Variants in RAP1GDS1 observed in about 807,000 individuals in gnomAD.
RAP1GDS1 encodes the protein Rap1 GTPase-GDP dissociation stimulator 1.
A neutral mutation model predicts 71.1 loss-of-function variants in RAP1GDS1; 35 were observed. The ratio of observed to expected loss-of-function variants is 0.49; its 90% CI spans 0.38 to 0.65. The LOEUF (loss-of-function observed/expected upper bound fraction) is 0.65, where lower values mean the gene tolerates loss of function less well. RAP1GDS1 is among the 30% of genes least tolerant of loss of function. The pLI, the probability that RAP1GDS1 is intolerant of heterozygous loss-of-function variation, is 0.00. For synonymous variants in RAP1GDS1, 229 were observed against 243.1 expected, an observed-to-expected ratio of 0.94 and a Z score of 0.54; for missense variants, 663 against 706.1, an observed-to-expected ratio of 0.94 and a Z score of 0.69.
At chr4:98,424,881 A>G (rs900237898) in intron 12 of RAP1GDS1, among the ~76,000 whole-genome samples, 4 of 152,256 alleles carry the variant, frequency 2.6e-5, no homozygotes, top group Admixed American at 2.0e-4. Flanking sequence ...CAAGAAGCTC[A>G]AAGAATACCT....
At chr4:98,341,726 A>AT (rs200441931) in intron 2 of RAP1GDS1, among the ~76,000 whole-genome samples, 19,456 of 152,002 alleles carry the variant, frequency 0.13, 1,709 homozygotes, top group African/African-American at 0.24. Flanking sequence ...AAAAAAAAAA[A>AT]ATCTTAGGTG....
intron 3 of RAP1GDS1, 163 bp downstream of exon 3, chr4:98,343,424 A>C: frequency 1.2e-6 from 1 of 862,148 alleles, no homozygotes; most frequent in Non-Finnish European, 1.8e-6. Context: ...AAATGGCTAT[A>C]GTTACAGTCA....
At chr4:98,426,395 T>C (rs1749620072) in intron 12 of RAP1GDS1, among the ~76,000 whole-genome samples, 1 of 151,484 alleles carries the variant, frequency 6.6e-6, no homozygotes. Context: ...TAAATGAAAT[T>C]GAAACAAAAA....
chr4:98,301,222 A>G (rs1728542445), intron 2 of RAP1GDS1, among the ~76,000 whole-genome samples: 3 of 151,746 alleles, frequency 2.0e-5, no homozygotes. Context: ...TTCATATTGT[A>G]TACCTCTTTT....
At chr4:98,399,679 A>G (rs765492365) in intron 6 of RAP1GDS1, among the ~76,000 whole-genome samples, 2 of 152,202 alleles carry the variant, frequency 1.3e-5, no homozygotes, top group Non-Finnish European at 2.9e-5. Context: ...GTATGATAAA[A>G]TGTTCAGTAT....
chr4:98,291,586 C>T (rs558079615), intron 1 of RAP1GDS1, among the ~76,000 whole-genome samples: 2 of 152,192 alleles, frequency 1.3e-5, no homozygotes, highest in Admixed American at 1.3e-4. Context: ...GCATATGAGT[C>T]GTCTGCTAGA....
At chr4:98,375,629 A>G (rs1741059987) in intron 4 of RAP1GDS1, among the ~76,000 whole-genome samples, 1 of 152,218 alleles carries the variant, frequency 6.6e-6, no homozygotes, top group African/African-American at 2.4e-5. Flanking sequence ...TTAAAGATGC[A>G]AGTGACAGTT....
rs763500597 is a variant in RAP1GDS1, at chr4:98,417,499, G to GT, written c.1039+2dup. 6.2e-7 allele frequency: 1 copy of GT among 1,613,420 alleles called. No individual in the cohort carries two copies. Among genetic ancestry groups the GT allele is most frequent in the Non-Finnish European group, 8.5e-7 (1 of 1,179,594 alleles). On this transcript the variant is annotated splice_donor_variant, in intron 9 of 14. Transcript: ENST00000408927. LOFTEE classifies it high-confidence loss of function. ...GCAATTGCAAATTTTGCCAGAAATG[G>GT]TAAGCATATTAGTTCCTCCTTTGTT...
chr4:98,285,823 ATAAT>A (rs201191989), intron 1 of RAP1GDS1, among the ~76,000 whole-genome samples: 9,562 of 147,478 alleles, frequency 0.065, 341 homozygotes, highest in Admixed American at 0.13. Flanking sequence ...TTTATAATAA[ATAAT>A]TATAAATAAA....
At chr4:98,282,950 T>C (rs1725381496) in intron 1 of RAP1GDS1, among the ~76,000 whole-genome samples, 1 of 152,208 alleles carries the variant, frequency 6.6e-6, no homozygotes, top group Non-Finnish European at 1.5e-5. Flanking sequence ...TTCTTAATCC[T>C]GAGTTCTAAT....
At chr4:98,441,706 G>A in intron 14 of RAP1GDS1, 1 of 785,144 alleles carries the variant, frequency 1.3e-6, no homozygotes, top group Non-Finnish European at 1.5e-6. Flanking sequence ...GTTTGAGGCT[G>A]CAGTAAGCTG....
At position 98,370,152 on chromosome 4, in the gene RAP1GDS1, A is replaced by G. The variant is rs565074432; in HGVS notation, c.362-8865A>G. On this transcript the variant is annotated intron_variant, in intron 4 of 14. Transcript: ENST00000408927. ...AATTATCTGTCTTTGTATTCTCAGGACCTAGTTCAATGTATGAAACATAGT... is the reference window on the plus strand; with the variant it reads ...AATTATCTGTCTTTGTATTCTCAGGGCCTAGTTCAATGTATGAAACATAGT... 2.6e-5 allele frequency among the ~76,000 whole-genome samples: 4 copies of G among 152,316 alleles called. No homozygotes were observed. In the South Asian group the frequency reaches 8.3e-4, roughly 32 times the overall value.
chr4:98,293,125 A>G (rs1727209649), intron 1 of RAP1GDS1, among the ~76,000 whole-genome samples: 1 of 152,202 alleles, frequency 6.6e-6, no homozygotes, highest in Admixed American at 6.6e-5. Flanking sequence ...GAACAAGCTC[A>G]ATAAGTTATA....
In RAP1GDS1 at chr4:98,324,377, A is replaced by G. The variant is rs956928991; in HGVS notation, c.113-18762A>G. Among the ~76,000 whole-genome samples, 2 of 152,204 alleles carry G rather than the reference A, an allele frequency of 1.3e-5. 1 individual carries two copies. Among genetic ancestry groups the G allele is most frequent in the Admixed American group, 1.3e-4 (2 of 15,274 alleles). On this transcript the variant is annotated intron_variant, in intron 2 of 14. Coordinates refer to ENST00000408927, the MANE Select transcript of RAP1GDS1 (RefSeq NM_001100427.2). ...AATTTACAGATTCAATGGCATCCCC[A>G]TAAAGCTACCAATGACTTTCTTCAC...
intron 1 of RAP1GDS1, among the ~76,000 whole-genome samples, chr4:98,291,457 A>G (rs1726900851): frequency 1.3e-5 from 2 of 152,176 alleles, no homozygotes; most frequent in Non-Finnish European, 2.9e-5. Flanking sequence ...CTCTGGAATT[A>G]CACAAAAAGT....
chr4:98,383,971 A>G (rs889374269), intron 5 of RAP1GDS1, among the ~76,000 whole-genome samples: 1 of 151,624 alleles, frequency 6.6e-6, no homozygotes, highest in African/African-American at 2.4e-5. Flanking sequence ...TACTGTGGTT[A>G]CAAGCTAGTT....
At chr4:98,306,011 A>T (rs750792531) in intron 2 of RAP1GDS1, among the ~76,000 whole-genome samples, 7 of 152,216 alleles carry the variant, frequency 4.6e-5, no homozygotes, top group Non-Finnish European at 1.0e-4. Context: ...ACTTTAAATT[A>T]TACTTGGGGA....
In RAP1GDS1 at chr4:98,297,333, G is replaced by A. The variant is rs544752651; in HGVS notation, c.112+3818G>A. On this transcript the variant is annotated intron_variant, in intron 2 of 14. Transcript: ENST00000408927. The stretch of plus-strand genomic sequence containing the variant: ...CAATGCTAAGCATACGTAATTATAG[G>A]CAAACTTCATTTTATTGTGCTTTAC... Among the ~76,000 whole-genome samples the A allele has an allele frequency of 1.1e-4, 16 of 152,054 alleles. 2 individuals carry two copies. In the South Asian group the frequency reaches 1.9e-3, roughly 18 times the overall value.
intron 6 of RAP1GDS1, among the ~76,000 whole-genome samples, chr4:98,398,227 G>GAA (rs33929395): frequency 7.0e-6 from 1 of 142,916 alleles, no homozygotes; most frequent in African/African-American, 2.5e-5. Flanking sequence ...ACGAGTAAAG[G>GAA]AAAAAAAAAA....
Sources: gnomAD v4.1 joint callset for allele counts (sites outside exome capture counted in the v4.1 genomes callset) on GRCh38, gnomAD v4.1.1 for gene constraint, MANE v1.5 for transcripts, NCBI Gene and HGNC (gene_info 2026-07-23, HGNC 2026-07-21) for gene names.